Variants in ZFHX3 observed in about 807,000 individuals in gnomAD.
ZFHX3 encodes zinc finger homeobox protein 3.
ZFHX3 carries 42 observed loss-of-function variants against 279.1 expected under a neutral mutation model. The observed-to-expected ratio is 0.15, with a 90% confidence interval of 0.12 to 0.19. The LOEUF (loss-of-function observed/expected upper bound fraction) is 0.19. Among genes scored for constraint, ZFHX3 ranks in the 10% least tolerant of loss-of-function variants. The probability of loss-of-function intolerance (pLI) is 1.00; values close to 1 mark genes in which losing one functional copy is unlikely to be tolerated. For synonymous variants in ZFHX3, 2,293 were observed against 1,957.8 expected (o/e 1.17, Z -4.52); for missense variants, 4,981 against 4,754.0 (o/e 1.05, Z -1.40).
intron 5 of ZFHX3, chr16:73,144,417 C>T (rs1474652420): frequency 1.3e-5 from 2 of 152,216 alleles, no homozygotes; most frequent in African/African-American, 2.4e-5. Flanking sequence ...GAAAGGCAAA[C>T]ATTATCTGGA....
intron 3 of ZFHX3, among the ~76,000 whole-genome samples, chr16:73,355,442 C>T (rs933915809): frequency 1.3e-5 from 2 of 152,158 alleles, no homozygotes; most frequent in African/African-American, 4.8e-5. Context: ...GCCACAGACT[C>T]CTTCAACTAG....
chr16:73,156,136 G>T (rs138153854), intron 5 of ZFHX3, among the ~76,000 whole-genome samples: 5,985 of 150,208 alleles, frequency 0.04, 374 homozygotes, highest in African/African-American at 0.14. Flanking sequence ...GGAGGCTGAG[G>T]CAAGAGAATG....
intron 5 of ZFHX3, 128 bp from the exon 6 acceptor site, chr16:72,812,166 G>A (rs1001390560): frequency 1.5e-6 from 2 of 1,310,152 alleles, no homozygotes; most frequent in Non-Finnish European, 2.1e-6. Context: ...ATTCAAGAAG[G>A]ATGAACATCC....
chr16:73,393,869 A>T (rs542317664), intron 3 of ZFHX3, among the ~76,000 whole-genome samples: 2 of 148,238 alleles, frequency 1.3e-5, no homozygotes, highest in Non-Finnish European at 3.0e-5. Context: ...ATATCCTATT[A>T]TATATATATA....
chr16:72,834,151 G>C (rs1051531387), intron 4 of ZFHX3, among the ~76,000 whole-genome samples: 26 of 152,204 alleles, frequency 1.7e-4, no homozygotes, highest in African/African-American at 6.3e-4. Flanking sequence ...GGGAGGCTGA[G>C]GTGGGAGGAT....
chr16:73,428,463 C>T (rs1485244773), intron 3 of ZFHX3, among the ~76,000 whole-genome samples: 1 of 152,130 alleles, frequency 6.6e-6, no homozygotes, highest in Non-Finnish European at 1.5e-5. Flanking sequence ...CTCCCTCGAA[C>T]CCCCGACAGT....
chr16:73,512,162 G>A (rs1042834640), intron 2 of ZFHX3, among the ~76,000 whole-genome samples: 1 of 151,800 alleles, frequency 6.6e-6, no homozygotes, highest in Non-Finnish European at 1.5e-5. Context: ...TGGCCTGGTG[G>A]CTCATGCCTG....
chr16:73,254,919 T>C (rs1388239257), intron 5 of ZFHX3, among the ~76,000 whole-genome samples: 2 of 151,912 alleles, frequency 1.3e-5, no homozygotes, highest in Admixed American at 6.6e-5. Flanking sequence ...CATCCATCCA[T>C]CCACCCACCC....
intron 1 of ZFHX3, among the ~76,000 whole-genome samples, chr16:73,832,732 T>A (rs1317379801): frequency 6.6e-6 from 1 of 152,126 alleles, no homozygotes; most frequent in Non-Finnish European, 1.5e-5. Flanking sequence ...TTTAAAGGTT[T>A]TATTCAGTGT....
At position 72,787,163 on chromosome 16, in the gene ZFHX3, C is replaced by T. The variant is rs139068178; in HGVS notation, c.*1G>A. 4.3e-5 allele frequency: 65 copies of T among 1,512,468 alleles called. No individual in the cohort carries two copies. The Middle Eastern group carries it at 5.3e-4, about 12-fold the overall frequency. The allele number at this position is 1,512,468 out of a possible 1,614,324, so 93.7% of individuals were successfully genotyped here. On this transcript the variant is annotated 3_prime_UTR_variant, in exon 10 of 10. Transcript: ENST00000268489. ...TTGTTTGTATTGTTCATCTTCAAAG[C>T]TTACAATCTGAAGGTGTCCGTTCCT...
intron 7 of ZFHX3, among the ~76,000 whole-genome samples, chr16:73,130,000 T>C (rs1486045848): frequency 2.0e-5 from 3 of 152,254 alleles, no homozygotes; most frequent in East Asian, 1.9e-4. Flanking sequence ...TTTGTGACAA[T>C]GAAGGCCAGA....
At chr16:73,204,759 C>T (rs2144903305) in intron 5 of ZFHX3, among the ~76,000 whole-genome samples, 2 of 152,304 alleles carry the variant, frequency 1.3e-5, no homozygotes, top group Admixed American at 1.3e-4. Flanking sequence ...AATAGCCTAG[C>T]ACAACACTTG....
intron 1 of ZFHX3, among the ~76,000 whole-genome samples, chr16:73,001,690 C>A (rs1456939123): frequency 6.6e-6 from 1 of 151,814 alleles, no homozygotes; most frequent in Non-Finnish European, 1.5e-5. Context: ...TGTGGTGGCA[C>A]ATGACTGTCG....
rs1311574441 is a variant in ZFHX3, at chr16:72,796,456, T to C, written c.6226A>G (p.Ile2076Val). ...ASAPPITSPTIAPAQPSVPLT... is the reference protein window; with the variant it reads ...ASAPPITSPTVAPAQPSVPLT... The stretch of plus-strand genomic sequence containing the variant: ...GGCACTGATGGCTGGGCCGGTGCAA[T>C]TGTAGGTGAGGTGATGGGTGGGGCT... The change falls in exon 9 of 10, where the codon ATT (isoleucine) becomes GTT (valine). Residue 2076 changes from isoleucine to valine, a missense_variant. Ile to Val is a conservative substitution (Grantham distance 29, BLOSUM62 3). Coordinates refer to ENST00000268489, the MANE Select transcript of ZFHX3 (RefSeq NM_006885.4). The C allele has an allele frequency of 8.7e-6, 14 of 1,608,080 alleles. No homozygotes were observed. The highest frequency in any genetic ancestry group is 4.0e-5 in the African/African-American group (3 of 74,388).
At chr16:73,335,733 G>T (rs1311652729) in intron 3 of ZFHX3, among the ~76,000 whole-genome samples, 3 of 152,166 alleles carry the variant, frequency 2.0e-5, no homozygotes, top group African/African-American at 7.2e-5. Context: ...TGAATTGAAA[G>T]GGGCTGGAAG....
intron 2 of ZFHX3, among the ~76,000 whole-genome samples, chr16:73,501,176 G>A (rs1359179612): frequency 1.3e-5 from 2 of 152,216 alleles, no homozygotes; most frequent in African/African-American, 4.8e-5. Context: ...CAGGTTTATA[G>A]CCCAGGAGCA....
intron 1 of ZFHX3, among the ~76,000 whole-genome samples, chr16:73,038,022 T>C (rs752611050): frequency 3.9e-5 from 6 of 152,196 alleles, no homozygotes; most frequent in Non-Finnish European, 5.9e-5. Flanking sequence ...CACACATACA[T>C]CACCCTTCTT....
At chr16:73,704,239 C>T (rs571896129) in intron 1 of ZFHX3, among the ~76,000 whole-genome samples, 110 of 152,146 alleles carry the variant, frequency 7.2e-4, no homozygotes, top group Non-Finnish European at 9.0e-4. Context: ...AAACATCCAC[C>T]GTTATTAAGT....
At chr16:73,152,600 G>A (rs1411147125) in intron 5 of ZFHX3, among the ~76,000 whole-genome samples, 1 of 139,764 alleles carries the variant, frequency 7.2e-6, no homozygotes, top group Non-Finnish European at 1.5e-5. Flanking sequence ...ATACAAACTA[G>A]GGGCCTGTAG....
Sources: allele counts gnomAD v4.1 joint callset (sites outside exome capture counted in the v4.1 genomes callset), GRCh38; gene constraint gnomAD v4.1.1; transcripts MANE v1.5; gene names NCBI Gene and HGNC (gene_info 2026-07-23, HGNC 2026-07-21).